Variants in SIL1 observed in about 807,000 individuals in gnomAD.
SIL1 encodes the protein SIL1 nucleotide exchange factor.
A neutral mutation model predicts 49.1 loss-of-function variants in SIL1; 40 were observed. The observed-to-expected ratio is 0.81, with a 90% CI of 0.63 to 1.06. The LOEUF is 1.06. Ranked by LOEUF, SIL1 falls within the 50% of genes least tolerant of loss-of-function variation. SIL1 has a pLI of 0.00. For synonymous variants in SIL1, 253 were observed against 250.8 expected (o/e 1.01, Z -0.08); for missense variants, 500 against 572.6 (o/e 0.87, Z 1.29).
intron 1 of SIL1, among the ~76,000 whole-genome samples, chr5:139,129,974 G>A (rs1750827802): frequency 6.6e-6 from 1 of 152,190 alleles, no homozygotes; most frequent in South Asian, 2.1e-4. Context: ...TCACATCTCT[G>A]TTATGGGTAT....
At chr5:139,009,753 T>C (rs2150418375) in intron 7 of SIL1, among the ~76,000 whole-genome samples, 1 of 146,314 alleles carries the variant, frequency 6.8e-6, no homozygotes, top group Non-Finnish European at 1.5e-5. Context: ...AAATTCTGGG[T>C]TGAAAATTCT....
intron 1 of SIL1, among the ~76,000 whole-genome samples, chr5:139,132,514 T>TGA (rs1750885109): frequency 6.6e-6 from 1 of 151,488 alleles, no homozygotes; most frequent in South Asian, 2.1e-4. Flanking sequence ...GGAGAGAGAA[T>TGA]GAGAGAGAGA....
chr5:138,954,239 C>A (rs989451748), intron 7 of SIL1, among the ~76,000 whole-genome samples: 2 of 152,268 alleles, frequency 1.3e-5, no homozygotes, highest in African/African-American at 4.8e-5. Context: ...AAGAGAAAGT[C>A]TGACCTTTTG....
At chr5:139,119,911 T>G (rs981586323) in intron 3 of SIL1, among the ~76,000 whole-genome samples, 1 of 151,982 alleles carries the variant, frequency 6.6e-6, no homozygotes, top group South Asian at 2.1e-4. Context: ...TGGCAAGGGG[T>G]GGGTGGTGGC....
intron 3 of SIL1, among the ~76,000 whole-genome samples, chr5:139,080,741 A>G (rs1413068600): frequency 6.6e-6 from 1 of 152,246 alleles, no homozygotes; most frequent in Non-Finnish European, 1.5e-5. Flanking sequence ...CTTTCTCAGC[A>G]GACAACTGAC....
At chr5:139,093,155 G>A (rs1269398163) in intron 3 of SIL1, among the ~76,000 whole-genome samples, 1 of 152,136 alleles carries the variant, frequency 6.6e-6, no homozygotes, top group Admixed American at 6.5e-5. Flanking sequence ...GGCAAGTTCA[G>A]CCCCATTCTG....
At chr5:138,968,066 G>A (rs1316133016) in intron 7 of SIL1, among the ~76,000 whole-genome samples, 1 of 152,090 alleles carries the variant, frequency 6.6e-6, no homozygotes, top group Non-Finnish European at 1.5e-5. Flanking sequence ...GGGCTATAAC[G>A]AGCTCCAAAC....
chr5:139,103,481 C>G (rs1770636519), intron 3 of SIL1, among the ~76,000 whole-genome samples: 1 of 152,206 alleles, frequency 6.6e-6, no homozygotes, highest in South Asian at 2.1e-4. Context: ...TGGAGAGAGA[C>G]TTGGTGTAGT....
At chr5:139,145,629 CGTGTGTGT>C (rs57675583) in intron 1 of SIL1, among the ~76,000 whole-genome samples, 27,639 of 142,100 alleles carry the variant, frequency 0.19, 2,873 homozygotes, top group East Asian at 0.43. Flanking sequence ...GGTGTGGGGG[CGTGTGTGT>C]GTGTGTGTGT....
chr5:139,063,952 G>C (rs1581071485), intron 3 of SIL1, among the ~76,000 whole-genome samples: 2 of 152,272 alleles, frequency 1.3e-5, no homozygotes, highest in East Asian at 1.9e-4. Flanking sequence ...CATACCCTTT[G>C]TTCTCATTTA....
chr5:139,073,412 T>C (rs1267807339), intron 3 of SIL1, among the ~76,000 whole-genome samples: 4 of 152,194 alleles, frequency 2.6e-5, no homozygotes, highest in Non-Finnish European at 5.9e-5. Flanking sequence ...AGAAGAATTA[T>C]GTGAAGTGAA....
intron 2 of SIL1, among the ~76,000 whole-genome samples, chr5:139,126,252 T>C (rs963147130): frequency 6.6e-6 from 1 of 152,224 alleles, no homozygotes; most frequent in Admixed American, 6.5e-5. Flanking sequence ...CTTCTGTTGA[T>C]GAAAGTCAGT....
intron 7 of SIL1, among the ~76,000 whole-genome samples, chr5:139,010,604 T>G (rs1262622561): frequency 1.3e-5 from 2 of 149,846 alleles, no homozygotes; most frequent in African/African-American, 4.9e-5. Context: ...TTATCTACTT[T>G]TGGTCTTTGA....
intron 7 of SIL1, among the ~76,000 whole-genome samples, chr5:138,976,459 CG>C (rs1015895116): frequency 1.4e-4 from 21 of 151,970 alleles, no homozygotes; most frequent in Middle Eastern, 3.4e-3. Context: ...ATTACAGGCA[CG>C]CGCCACCATA....
At chr5:139,066,274 T>G (rs1769702908) in intron 3 of SIL1, among the ~76,000 whole-genome samples, 1 of 152,284 alleles carries the variant, frequency 6.6e-6, no homozygotes, top group African/African-American at 2.4e-5. Context: ...CATCCACAGC[T>G]ACCCCACGCT....
At chr5:139,063,413 G>A (rs1391649319) in intron 3 of SIL1, among the ~76,000 whole-genome samples, 1 of 152,180 alleles carries the variant, frequency 6.6e-6, no homozygotes, top group East Asian at 1.9e-4. Flanking sequence ...TCTCACACCT[G>A]TTTCCTAGCT....
chr5:139,156,141 C>G (rs1055001416), intron 1 of SIL1, among the ~76,000 whole-genome samples: 1 of 152,186 alleles, frequency 6.6e-6, no homozygotes, highest in Non-Finnish European at 1.5e-5. Flanking sequence ...TATATGTTTA[C>G]GTAATAATAA....
At chr5:138,994,414 C>T (rs1039279268) in intron 7 of SIL1, among the ~76,000 whole-genome samples, 1 of 152,134 alleles carries the variant, frequency 6.6e-6, no homozygotes, top group Non-Finnish European at 1.5e-5. Flanking sequence ...GAGATTGATT[C>T]ACTACCTATA....
chr5:139,073,784 G>C (rs1045556344), intron 3 of SIL1, among the ~76,000 whole-genome samples: 8 of 151,908 alleles, frequency 5.3e-5, no homozygotes, highest in Non-Finnish European at 1.2e-4. Flanking sequence ...AAATTCGCCA[G>C]GCTTGGTGGT....
Sources: gnomAD v4.1 joint callset for allele counts (sites outside exome capture counted in the v4.1 genomes callset) on GRCh38, gnomAD v4.1.1 for gene constraint, MANE v1.5 for transcripts, NCBI Gene and HGNC (gene_info 2026-07-23, HGNC 2026-07-21) for gene names.